The following ZC2HC1C variants were observed in gnomAD, a reference collection of about 807,000 sequenced individuals.
ZC2HC1C encodes the protein zinc finger C2HC domain-containing protein 1C.
In ZC2HC1C, 25 loss-of-function variants were observed where a neutral mutation model predicts 39.2. The observed-to-expected ratio is 0.64, with a 90% CI of 0.47 to 0.89. The LOEUF (loss-of-function observed/expected upper bound fraction) is 0.89, where lower values mean the gene tolerates loss of function less well. ZC2HC1C is among the 40% of genes least tolerant of loss of function. The pLI, the probability that ZC2HC1C is intolerant of heterozygous loss-of-function variation, is 0.00. For missense variants in ZC2HC1C, 519 were observed against 548.6 expected (o/e 0.95, Z 0.54); for synonymous variants, 209 against 214.4 (o/e 0.97, Z 0.22).
In ZC2HC1C at chr14:75,070,550, C is replaced by G. The variant is rs368540557; in HGVS notation, c.-19-5C>G. The G allele has an allele frequency of 1.2e-5, 19 of 1,575,478 alleles. No individual in the cohort carries two copies. The highest frequency in any genetic ancestry group is 1.6e-5 in the Non-Finnish European group (19 of 1,163,652). On this transcript the variant is annotated splice_polypyrimidine_tract_variant and splice_region_variant and intron_variant, in intron 1 of 2. Coordinates refer to ENST00000524913, the MANE Select transcript of ZC2HC1C (RefSeq NM_024643.4). Reference sequence around the variant, plus strand: ...TCCCGTGTATCTGGTTTAAATCTCCCGTAGGCGTCAGTCCAGGCCCTGAAT... The same window carrying G: ...TCCCGTGTATCTGGTTTAAATCTCCGGTAGGCGTCAGTCCAGGCCCTGAAT...
chr14:75,070,731 T>G lies in ZC2HC1C; in HGVS notation c.158T>G (p.Phe53Cys). Residue 53 changes from phenylalanine to cysteine, a missense_variant, in exon 2 of 3, where the codon TTC becomes TGC. Coordinates refer to ENST00000524913, the MANE Select transcript of ZC2HC1C (RefSeq NM_024643.4). The part of the protein sequence containing the change: ...QSLKGHLRNN[F>C]QKQLLSNKEL... ...TTGAAGGGGCACCTGAGGAACAATT[T>G]CCAGAAGCAGCTTTTGAGCAACAAA... 1.9e-6 allele frequency: 3 copies of G among 1,614,132 alleles called. No homozygotes were observed. The highest frequency in any genetic ancestry group is 2.5e-6 in the Non-Finnish European group (3 of 1,180,022).
Position 75,069,641 on chromosome 14 carries a change from A to C in ZC2HC1C, c.-128A>C. On this transcript the variant is annotated 5_prime_UTR_variant, in exon 1 of 3. Transcript: ENST00000524913. ...TCGGTTTCCAGGCACCGGGAATAACAGAAGCCAGCTGAGAGCGCCTGCGCG... is the reference window on the plus strand; with the variant it reads ...TCGGTTTCCAGGCACCGGGAATAACCGAAGCCAGCTGAGAGCGCCTGCGCG... The C allele has an allele frequency of 4.7e-6, 1 of 211,368 alleles. No individual in the cohort carries two copies. The highest frequency in any genetic ancestry group is 1.1e-4 in the East Asian group (1 of 9,156). The allele number at this position is 211,368 out of a possible 1,614,324, so 13.1% of individuals were successfully genotyped here. A position where few individuals can be genotyped will look rare whatever the true frequency, so the allele number is the denominator to read the frequency against.
intron 2 of ZC2HC1C, among the ~76,000 whole-genome samples, chr14:75,073,920 C>G (rs1186938695): frequency 6.6e-6 from 1 of 152,168 alleles, no homozygotes; most frequent in Non-Finnish European, 1.5e-5. Flanking sequence ...GAGACCGAGT[C>G]TCGCCCTGTT....
In ZC2HC1C at chr14:75,079,390, A is replaced by G. The variant is rs1893802804; in HGVS notation, c.*1826A>G. On this transcript the variant is annotated 3_prime_UTR_variant, in exon 3 of 3. Coordinates refer to ENST00000524913, the MANE Select transcript of ZC2HC1C (RefSeq NM_024643.4). ...CTTTTTAATTGTTCCAAAGGAAAGG[A>G]GGTATCACATAATAAAGCTTTATGG... The G allele has an allele frequency of 6.6e-6, 1 of 152,190 alleles. No homozygotes were observed. Among genetic ancestry groups the G allele is most frequent in the African/African-American group, 2.4e-5 (1 of 41,440 alleles). The allele number at this position is 152,190 out of a possible 1,614,324, so 9.4% of individuals were successfully genotyped here.
Position 75,077,751 on chromosome 14 carries a change from AC to A in ZC2HC1C, c.*189del. ...TGAGCAACACATTCCCAAGTGTAAG[AC>A]CATCAAGAACTGTCTTCCACCTCTA... On this transcript the variant is annotated 3_prime_UTR_variant, in exon 3 of 3. Transcript: ENST00000524913. 1 of 627,238 alleles carries A rather than the reference AC, an allele frequency of 1.6e-6. No homozygotes were observed. The highest frequency in any genetic ancestry group is 2.8e-6 in the Non-Finnish European group (1 of 357,252). 38.9% of individuals were successfully genotyped at this position (627,238 alleles called of 1,614,324 possible).
Position 75,071,011 on chromosome 14 carries a change from C to G in ZC2HC1C, c.438C>G (p.His146Gln). ...CGTTCCCATTGAAACCCATGGTCCA[C>G]AGGAAGTCGTGCAGTACAGGTGAGG... ...DRAFPLKPMV[H>Q]RKSCSTGEAG... The change falls in exon 2 of 3, where the codon CAC becomes CAG. Residue 146 changes from histidine to glutamine, a missense_variant. By Grantham distance (24) the His-to-Gln change is conservative. Coordinates refer to ENST00000524913, the MANE Select transcript of ZC2HC1C (RefSeq NM_024643.4). 6.2e-7 allele frequency: 1 copy of G among 1,614,196 alleles called. No homozygotes were observed.
At chr14:75,070,109 TG>T (rs1893284852) in intron 1 of ZC2HC1C, among the ~76,000 whole-genome samples, 1 of 152,156 alleles carries the variant, frequency 6.6e-6, no homozygotes, top group Non-Finnish European at 1.5e-5. Flanking sequence ...TCACTACCTC[TG>T]GGCCACAGCT....
At position 75,070,840 on chromosome 14, in the gene ZC2HC1C, T is replaced by A. The variant is rs1472266237; in HGVS notation, c.267T>A (p.Thr89=). ...GGAGCTACTCCTATCCCCACTGTAC[T>A]GGAATCAGCCAGCAAGATCCAGAAA... ...KARSYSYPHC[T]GISQQDPESD... Residue 89 remains threonine, a synonymous_variant, in exon 2 of 3, where the codon ACT becomes ACA. Transcript: ENST00000524913. 4 of 1,614,078 alleles carry A rather than the reference T, an allele frequency of 2.5e-6. No homozygotes were observed. The African/African-American group carries it at 5.3e-5, about 22-fold the overall frequency.
At position 75,071,521 on chromosome 14, in the gene ZC2HC1C, C is replaced by A; in HGVS notation, c.948C>A (p.Phe316Leu). Residue 316 changes from phenylalanine to leucine, a missense_variant, in exon 2 of 3, where the codon TTC (phenylalanine) becomes TTA (leucine). Coordinates refer to ENST00000524913, the MANE Select transcript of ZC2HC1C (RefSeq NM_024643.4). ...WGRSQQNSGP[F>L]QFSDYRIQRL... is the part of the protein sequence containing the mutation. ...GGTCTCAACAAAATTCAGGTCCATT[C>A]CAGTTCTCTGATTATAGAATCCAGA... 1 of 1,614,080 alleles carries A rather than the reference C, an allele frequency of 6.2e-7. No individual in the cohort carries two copies. The highest frequency in any genetic ancestry group is 8.5e-7 in the Non-Finnish European group (1 of 1,180,004).
At chr14:75,070,452 T>G (rs1893308338) in intron 1 of ZC2HC1C, 103 bp from the exon 2 acceptor site, 1 of 1,377,862 alleles carries the variant, frequency 7.3e-7, no homozygotes, top group Middle Eastern at 2.2e-4. Context: ...CAGAAAAGTT[T>G]AAGGGAATGT....
intron 2 of ZC2HC1C, among the ~76,000 whole-genome samples, chr14:75,075,297 A>G (rs1204603281): frequency 6.6e-6 from 1 of 151,974 alleles, no homozygotes; most frequent in Admixed American, 6.6e-5. Context: ...CCTGGTGCAA[A>G]CTCATTCTCT....
rs17493927 is a variant in ZC2HC1C at position 75,077,746 on chromosome 14, G to A, written c.*182G>A. On this transcript the variant is annotated 3_prime_UTR_variant, in exon 3 of 3. Coordinates refer to ENST00000524913, the MANE Select transcript of ZC2HC1C (RefSeq NM_024643.4). The stretch of plus-strand genomic sequence containing the variant: ...GTGGCTGAGCAACACATTCCCAAGT[G>A]TAAGACCATCAAGAACTGTCTTCCA... 0.076 allele frequency: 48,772 copies of A among 643,760 alleles called. 2,183 individuals carry two copies. The highest frequency in any genetic ancestry group is 0.093 in the Non-Finnish European group (34,363 of 368,922). 39.9% of individuals were successfully genotyped at this position (643,760 alleles called of 1,614,324 possible). A position where few individuals can be genotyped will look rare whatever the true frequency, so the allele number is the denominator to read the frequency against.
intron 2 of ZC2HC1C, among the ~76,000 whole-genome samples, chr14:75,075,430 AT>A (rs1893623081): frequency 6.6e-6 from 1 of 152,140 alleles, no homozygotes; most frequent in African/African-American, 2.4e-5. Context: ...TAGCAGGTAT[AT>A]TGTCTTGGAA....
intron 2 of ZC2HC1C, among the ~76,000 whole-genome samples, chr14:75,075,059 C>T (rs1273742787): frequency 6.6e-6 from 1 of 152,148 alleles, no homozygotes; most frequent in East Asian, 1.9e-4. Context: ...CTGTCTCTGC[C>T]CACATGTACC....
intron 2 of ZC2HC1C, among the ~76,000 whole-genome samples, chr14:75,076,920 C>T (rs1893698742): frequency 6.6e-6 from 1 of 152,114 alleles, no homozygotes; most frequent in Admixed American, 6.6e-5. Context: ...TTTTAATTAG[C>T]GTTTCCCAAG....
intron 2 of ZC2HC1C, 112 bp downstream of exon 2, chr14:75,072,023 G>A (rs1284697636): frequency 6.4e-6 from 9 of 1,417,256 alleles, no homozygotes; most frequent in Non-Finnish European, 7.5e-6. Context: ...AAGAATTGAC[G>A]TCTAGAATTA....
rs1893743787 is a variant in ZC2HC1C, at chr14:75,077,633, A to G, written c.*69A>G. ...TCCAGCAGGTAACTGCCAAAGGTGG[A>G]AACTGTTCACACTTGCCTCCCATCC... On this transcript the variant is annotated 3_prime_UTR_variant, in exon 3 of 3. Transcript: ENST00000524913. The G allele has an allele frequency of 6.3e-7, 1 of 1,596,954 alleles. No homozygotes were observed. Among genetic ancestry groups the G allele is most frequent in the African/African-American group, 1.3e-5 (1 of 74,714 alleles).
chr14:75,071,210 A>G lies in ZC2HC1C; in HGVS notation c.637A>G (p.Ile213Val). 1 of 1,614,234 alleles carries G rather than the reference A, an allele frequency of 6.2e-7. No homozygotes were observed. The highest frequency in any genetic ancestry group is 1.3e-5 in the African/African-American group (1 of 75,058). ...ANFDRTEWVQ[I>V]RRLEAAGESL... ...CTTTGACAGGACGGAGTGGGTGCAG[A>G]TCCGAAGACTAGAAGCTGCAGGGGA... The change falls in exon 2 of 3, where the codon ATC becomes GTC. Residue 213 changes from isoleucine to valine, a missense_variant. Coordinates refer to ENST00000524913, the MANE Select transcript of ZC2HC1C (RefSeq NM_024643.4).
chr14:75,074,099 G>A (rs1566629635), intron 2 of ZC2HC1C, among the ~76,000 whole-genome samples: 3 of 152,014 alleles, frequency 2.0e-5, no homozygotes, highest in South Asian at 4.2e-4. Flanking sequence ...TAGTAGAGAC[G>A]GGGTTTCACC....
Sources: gnomAD v4.1 joint callset for allele counts (sites outside exome capture counted in the v4.1 genomes callset) on GRCh38, gnomAD v4.1.1 for gene constraint, MANE v1.5 for transcripts, NCBI Gene and HGNC (gene_info 2026-07-23, HGNC 2026-07-21) for gene names.